Variants in GRM5 observed in about 807,000 individuals in gnomAD.
The protein encoded by GRM5 is glutamate metabotropic receptor 5, also known as metabotropic glutamate receptor 5.
In GRM5, 19 loss-of-function variants were observed where a neutral mutation model predicts 83.1. The ratio of observed to expected loss-of-function variants is 0.23; its 90% CI spans 0.16 to 0.34. The LOEUF (loss-of-function observed/expected upper bound fraction) is 0.34, where lower values mean the gene tolerates loss of function less well. Ranked by LOEUF, GRM5 falls within the 10% of genes least tolerant of loss-of-function variation. The pLI is 1.00. For synonymous variants in GRM5, 675 were observed against 633.6 expected, an observed-to-expected ratio of 1.07 and a Z score of -0.98; for missense variants, 1,160 against 1,588.3, an observed-to-expected ratio of 0.73 and a Z score of 4.58.
chr11:88,912,869 A>G (rs750256370), intron 2 of GRM5, among the ~76,000 whole-genome samples: 3 of 152,164 alleles, frequency 2.0e-5, no homozygotes, highest in Non-Finnish European at 4.4e-5. Flanking sequence ...TGTTGTCCTC[A>G]TGCCAGTCCC....
At chr11:88,673,175 TAGG>T (rs1019926000) in intron 3 of GRM5, among the ~76,000 whole-genome samples, 1 of 151,920 alleles carries the variant, frequency 6.6e-6, no homozygotes. Context: ...AAGTACTTAT[TAGG>T]AGGCCATTTC....
intron 3 of GRM5, among the ~76,000 whole-genome samples, chr11:88,755,705 T>C (rs1565215944): frequency 6.6e-6 from 1 of 152,140 alleles, no homozygotes; most frequent in African/African-American, 2.4e-5. Flanking sequence ...GATCTTTAAG[T>C]AGTTCTGATA....
intron 8 of GRM5, among the ~76,000 whole-genome samples, chr11:88,551,768 G>T (rs1179827391): frequency 1.3e-5 from 2 of 152,118 alleles, no homozygotes; most frequent in African/African-American, 4.8e-5. Context: ...ATTGTAAGAA[G>T]TGAATTAGAT....
At chr11:88,728,905 C>T (rs1169741781) in intron 3 of GRM5, among the ~76,000 whole-genome samples, 2 of 152,154 alleles carry the variant, frequency 1.3e-5, no homozygotes, top group Non-Finnish European at 2.9e-5. Context: ...GACAAACTCA[C>T]AGCCAATATC....
intron 3 of GRM5, among the ~76,000 whole-genome samples, chr11:88,779,882 C>T (rs1942938917): frequency 6.6e-6 from 1 of 152,176 alleles, no homozygotes; most frequent in African/African-American, 2.4e-5. Flanking sequence ...ATGGCAACTG[C>T]CCTAGTCACT....
intron 3 of GRM5, among the ~76,000 whole-genome samples, chr11:88,675,066 G>A (rs996165879): frequency 4.0e-5 from 6 of 151,666 alleles, no homozygotes; most frequent in Admixed American, 2.0e-4. Context: ...TGTTCACTTA[G>A]TCCAGTGCTT....
At chr11:88,915,463 T>C (rs1945573782) in intron 2 of GRM5, among the ~76,000 whole-genome samples, 1 of 152,118 alleles carries the variant, frequency 6.6e-6, no homozygotes, top group Non-Finnish European at 1.5e-5. Context: ...GGGAAGGGGA[T>C]AAGTTCTTGC....
chr11:89,030,090 C>T (rs1224387847), intron 2 of GRM5, among the ~76,000 whole-genome samples: 8 of 152,062 alleles, frequency 5.3e-5, no homozygotes, highest in Admixed American at 2.0e-4. Context: ...ATCTATTAAC[C>T]AGAATTCATC....
chr11:88,976,944 G>A (rs1375069352), intron 2 of GRM5, among the ~76,000 whole-genome samples: 1 of 151,704 alleles, frequency 6.6e-6, no homozygotes, highest in African/African-American at 2.4e-5. Flanking sequence ...GAGAAAAAAT[G>A]AATAATGTCA....
Position 88,541,721 on chromosome 11 carries a change from A to G in GRM5, c.2631-16317T>C, listed in dbSNP as rs78810964. On this transcript the variant is annotated intron_variant, in intron 8 of 9. Coordinates refer to ENST00000305447, the MANE Select transcript of GRM5 (RefSeq NM_001143831.3). ...TCGCATAATGGAAGAAATACCATGT[A>G]ATTTACAGGATTGATGTTTTATGTA... 4.6e-3 allele frequency among the ~76,000 whole-genome samples: 606 copies of G among 132,000 alleles called. 4 individuals carry two copies. Among genetic ancestry groups the G allele is most frequent in the African/African-American group, 0.014 (570 of 40,302 alleles). The allele number at this position is 132,000 out of a possible 152,430, so 86.6% of individuals were successfully genotyped here.
chr11:88,514,785 G>A (rs557350162), intron 9 of GRM5, among the ~76,000 whole-genome samples: 53 of 152,132 alleles, frequency 3.5e-4, no homozygotes, highest in Non-Finnish European at 6.5e-4. Context: ...GGATATTAAC[G>A]AGGCCTTAAA....
At chr11:88,765,552 T>C (rs914541365) in intron 3 of GRM5, among the ~76,000 whole-genome samples, 1 of 151,676 alleles carries the variant, frequency 6.6e-6, no homozygotes, top group East Asian at 1.9e-4. Context: ...TACAGTCAAA[T>C]GGTTTTTGAG....
Position 89,032,554 on chromosome 11 carries a change from TA to T in GRM5, c.661+14657del, listed in dbSNP as rs1393831987. Among the ~76,000 whole-genome samples the T allele has an allele frequency of 3.3e-5, 5 of 152,172 alleles. No individual in the cohort carries two copies. The East Asian group carries it at 7.7e-4, about 24-fold the overall frequency. ...GTTTCTTTTCTAAAAATGAGGAGGT[TA>T]AAAAAGAACAAATACTAGCAGGAAC... is the stretch of plus-strand genomic sequence containing the variant. On this transcript the variant is annotated intron_variant, in intron 2 of 9. Transcript: ENST00000305447.
At chr11:88,707,814 T>A (rs556755734) in intron 3 of GRM5, among the ~76,000 whole-genome samples, 1 of 152,260 alleles carries the variant, frequency 6.6e-6, no homozygotes, top group East Asian at 1.9e-4. Flanking sequence ...CGCCTTTAAC[T>A]AATCTCATAT....
At chr11:89,022,957 T>A (rs1236328034) in intron 2 of GRM5, among the ~76,000 whole-genome samples, 1 of 152,112 alleles carries the variant, frequency 6.6e-6, no homozygotes, top group Non-Finnish European at 1.5e-5. Flanking sequence ...ATCCCCAGAG[T>A]TTCTGATTCA....
chr11:89,001,538 G>C lies in GRM5; in HGVS notation c.661+45674C>G, dbSNP rs1351995454. ...TGGAGAACAGGTTAGTGGTTGTCAG[G>C]GGTCAGGGACGTAGTGGGTAGGGAA... is the stretch of plus-strand genomic sequence containing the variant. On this transcript the variant is annotated intron_variant, in intron 2 of 9. Transcript: ENST00000305447. Among the ~76,000 whole-genome samples, 5 of 152,186 alleles carry C rather than the reference G, an allele frequency of 3.3e-5. No individual in the cohort carries two copies. In the East Asian group the frequency reaches 9.7e-4, roughly 29 times the overall value.
At chr11:88,959,335 C>A (rs1938715282) in intron 2 of GRM5, among the ~76,000 whole-genome samples, 1 of 151,926 alleles carries the variant, frequency 6.6e-6, no homozygotes, top group Non-Finnish European at 1.5e-5. Context: ...GTGGCTCCAT[C>A]AGAGACAGAT....
chr11:88,739,121 G>A (rs533588895), intron 3 of GRM5, among the ~76,000 whole-genome samples: 1 of 152,072 alleles, frequency 6.6e-6, no homozygotes, highest in East Asian at 1.9e-4. Flanking sequence ...TAGACTATAA[G>A]CACTTGGGCT....
In GRM5 at chr11:88,997,214, C is replaced by T. The variant is rs562618546; in HGVS notation, c.661+49998G>A. Reference sequence around the variant, plus strand: ...TTGTGGCAGGTGCCTGTAATCCCAGCTACTTGGGAGGCTGAGGCAGGAGAA... The same window carrying T: ...TTGTGGCAGGTGCCTGTAATCCCAGTTACTTGGGAGGCTGAGGCAGGAGAA... On this transcript the variant is annotated intron_variant, in intron 2 of 9. Transcript: ENST00000305447. Among the ~76,000 whole-genome samples, 4 of 151,548 alleles carry T rather than the reference C, an allele frequency of 2.6e-5. No individual in the cohort carries two copies. The East Asian group carries it at 7.8e-4, about 29-fold the overall frequency.
Sources: allele counts gnomAD v4.1 joint callset (sites outside exome capture counted in the v4.1 genomes callset), GRCh38; gene constraint gnomAD v4.1.1; transcripts MANE v1.5; gene names NCBI Gene and HGNC (gene_info 2026-07-23, HGNC 2026-07-21).